The following TCOF1 variants were observed in gnomAD, a reference collection of about 807,000 sequenced individuals.
TCOF1 encodes treacle protein.
In TCOF1, 33 loss-of-function variants were observed where a neutral mutation model predicts 149.0. That is an observed-to-expected ratio of 0.22 (90% CI 0.17 to 0.30). The LOEUF is 0.30. Ranked by LOEUF, TCOF1 falls within the 10% of genes least tolerant of loss-of-function variation. The pLI is 1.00. For missense variants in TCOF1, 1,728 were observed against 1,840.7 expected, an observed-to-expected ratio of 0.94 and a Z score of 1.12; for synonymous variants, 789 against 738.8, an observed-to-expected ratio of 1.07 and a Z score of -1.10.
chr5:150,379,234 G>A lies in TCOF1; in HGVS notation c.2484G>A (p.Lys828=), dbSNP rs778497567. 1 of 1,614,202 alleles carries A rather than the reference G, an allele frequency of 6.2e-7. No homozygotes were observed. The highest frequency in any genetic ancestry group is 1.1e-5 in the South Asian group (1 of 91,078). ...QAKQRSPSKV[K]PPVRNPQNST... is the part of the protein sequence containing the mutation. ...ATTATCCCCCTGCAATTCAGGTGAA[G>A]CCACCAGTGAGAAACCCCCAGAACA... The change falls in exon 16 of 27, where the codon AAG becomes AAA. Residue 828 remains lysine, a synonymous_variant. Coordinates refer to ENST00000643257, the MANE Select transcript of TCOF1 (RefSeq NM_001371623.1).
chr5:150,379,357 G>C lies in TCOF1; in HGVS notation c.2607G>C (p.Gly869=), dbSNP rs1277169576. Residue 869 remains glycine (G), a synonymous_variant, in exon 16 of 27, where the codon GGG becomes GGC. Coordinates refer to ENST00000643257, the MANE Select transcript of TCOF1 (RefSeq NM_001371623.1). ...QAQTGPEEDS[G]SSEEESDSEE... ...AGACAGGGCCAGAGGAGGACTCAGG[G>C]AGCAGTGAGGAGGAGTCAGACAGTG... 1 of 1,614,090 alleles carries C rather than the reference G, an allele frequency of 6.2e-7. No individual in the cohort carries two copies. The highest frequency in any genetic ancestry group is 8.5e-7 in the Non-Finnish European group (1 of 1,180,038).
At chr5:150,393,140 T>A in intron 22 of TCOF1, 1 of 604,348 alleles carries the variant, frequency 1.7e-6, no homozygotes, top group Non-Finnish European at 2.9e-6. Flanking sequence ...TAATAAGAAA[T>A]TTCCTTTTTA....
chr5:150,376,639 A>G lies in TCOF1; in HGVS notation c.2340+19A>G, dbSNP rs1424861922. On this transcript the variant is annotated intron_variant, in intron 14 of 26. Coordinates refer to ENST00000643257, the MANE Select transcript of TCOF1 (RefSeq NM_001371623.1). The stretch of plus-strand genomic sequence containing the variant: ...AGCACAGGTGAGGCCTAGAAGGAGC[A>G]GGCCCATCCCACCCACACCTGTTCC... The G allele has an allele frequency of 1.5e-5, 24 of 1,552,624 alleles. No individual in the cohort carries two copies. Among genetic ancestry groups the G allele is most frequent in the Non-Finnish European group, 1.9e-5 (22 of 1,148,616 alleles).
chr5:150,374,073 AG>A, intron 7 of TCOF1, 100 bp from the exon 8 acceptor site: 1 of 1,267,428 alleles, frequency 7.9e-7, no homozygotes, highest in Non-Finnish European at 1.1e-6. Flanking sequence ...GAAGCAGGGG[AG>A]GTCTTAGGAG....
chr5:150,393,521 A>G lies in TCOF1; in HGVS notation c.3753A>G (p.Gln1251=), dbSNP rs904352661. The G allele has an allele frequency of 9.9e-6, 16 of 1,614,064 alleles. No individual in the cohort carries two copies. The highest frequency in any genetic ancestry group is 1.7e-5 in the Admixed American group (1 of 60,002). ...ATGGCAAGCAGGAGGCAAAGCCCCA[A>G]CAGGCAGCAGGCATGTTGTCCCCTA... ...DPDGKQEAKP[Q]QAAGMLSPKT... The change falls in exon 23 of 27, where the codon CAA becomes CAG. Residue 1251 remains glutamine (Q), a synonymous_variant. Coordinates refer to ENST00000643257, the MANE Select transcript of TCOF1 (RefSeq NM_001371623.1).
In TCOF1 at chr5:150,392,177, G is replaced by T. The variant is rs745614826; in HGVS notation, c.3517+1G>T. Reference sequence around the variant, plus strand: ...GGGGCCAAGTCAGCCCACACGCTGGGTGAGGGTGCCAGGGGAAAGGCAAGG... The same window carrying T: ...GGGGCCAAGTCAGCCCACACGCTGGTTGAGGGTGCCAGGGGAAAGGCAAGG... On this transcript the variant is annotated splice_donor_variant, in intron 21 of 26. Coordinates refer to ENST00000643257, the MANE Select transcript of TCOF1 (RefSeq NM_001371623.1). LOFTEE classifies it high-confidence loss of function. 1.2e-6 allele frequency: 2 copies of T among 1,613,382 alleles called. No homozygotes were observed. Among genetic ancestry groups the T allele is most frequent in the Non-Finnish European group, 1.7e-6 (2 of 1,179,486 alleles).
chr5:150,377,892 G>A (rs762752239), intron 14 of TCOF1, among the ~76,000 whole-genome samples: 1 of 152,188 alleles, frequency 6.6e-6, no homozygotes, highest in Admixed American at 6.5e-5. Context: ...GGATTACCCA[G>A]GTTTCTTTTT....
At chr5:150,378,556 G>A in intron 14 of TCOF1, 1 of 310,302 alleles carries the variant, frequency 3.2e-6, no homozygotes, top group Non-Finnish European at 6.1e-6. Flanking sequence ...CCACCTAGCT[G>A]AAAGGGAGCC....
rs144770182 is a variant in TCOF1, at chr5:150,361,417, G to A, written c.164+206G>A. On this transcript the variant is annotated intron_variant, in intron 2 of 26. Transcript: ENST00000643257. ...AGTGGGAGGGGACATTGAGAGCTGT[G>A]ATCTCTTAAGAACAAGAGCTTCTCA... Among the ~76,000 whole-genome samples the A allele has an allele frequency of 2.9e-3, 435 of 152,292 alleles. 2 individuals carry two copies. The highest frequency in any genetic ancestry group is 0.01 in the African/African-American group (421 of 41,538).
intron 6 of TCOF1, among the ~76,000 whole-genome samples, chr5:150,370,535 T>C (rs1762290106): frequency 6.6e-6 from 1 of 152,134 alleles, no homozygotes; most frequent in Non-Finnish European, 1.5e-5. Flanking sequence ...TTTGTATTTT[T>C]TGTGGAGACA....
intron 2 of TCOF1, among the ~76,000 whole-genome samples, chr5:150,362,429 C>A (rs115634019): frequency 0.02 from 2,979 of 152,152 alleles, 104 homozygotes; most frequent in African/African-American, 0.068. Flanking sequence ...GGAAAGGAGG[C>A]AGGAGAGGGG....
intron 3 of TCOF1, among the ~76,000 whole-genome samples, chr5:150,366,129 A>C (rs1266519577): frequency 2.6e-5 from 4 of 151,528 alleles, no homozygotes; most frequent in Non-Finnish European, 5.9e-5. Context: ...AAAAAAAAAA[A>C]AAAAGGAAGA....
At position 150,379,420 on chromosome 5, in the gene TCOF1, G is replaced by A; in HGVS notation, c.2658+12G>A. 6.2e-7 allele frequency: 1 copy of A among 1,613,788 alleles called. No individual in the cohort carries two copies. Among genetic ancestry groups the A allele is most frequent in the East Asian group, 2.2e-5 (1 of 44,846 alleles). ...AGACGCTGGCTCAGGTGAGGGGGAG[G>A]GAATGGAGATCATCCCCTACATGGG... On this transcript the variant is annotated intron_variant, in intron 16 of 26. Coordinates refer to ENST00000643257, the MANE Select transcript of TCOF1 (RefSeq NM_001371623.1).
rs115488540 is a variant in TCOF1, at chr5:150,390,091, A to G, written c.3183+68A>G. On this transcript the variant is annotated intron_variant, in intron 19 of 26. Coordinates refer to ENST00000643257, the MANE Select transcript of TCOF1 (RefSeq NM_001371623.1). ...GGGCCCTACTTCCATACTTACCCAC[A>G]TGTGCTGATGGGATGGCCTGCAATT... 5,916 of 1,548,794 alleles carry G rather than the reference A, an allele frequency of 3.8e-3. 194 individuals carry two copies. The African/African-American group carries it at 0.071, about 19-fold the overall frequency.
At chr5:150,369,041 C>T (rs1761967837) in intron 5 of TCOF1, 139 bp downstream of exon 5, 1 of 1,129,776 alleles carries the variant, frequency 8.9e-7, no homozygotes, top group East Asian at 2.5e-5. Context: ...CATCTTAGGA[C>T]TTTTCTCATC....
intron 6 of TCOF1, 46 bp downstream of exon 6, chr5:150,369,648 C>T: frequency 6.2e-7 from 1 of 1,604,920 alleles, no homozygotes; most frequent in Non-Finnish European, 8.5e-7. Flanking sequence ...CAGCCTCTAA[C>T]CCTTCCAGGA....
At chr5:150,381,712 TAA>T (rs1304473133) in intron 17 of TCOF1, among the ~76,000 whole-genome samples, 4 of 152,250 alleles carry the variant, frequency 2.6e-5, no homozygotes, top group African/African-American at 9.6e-5. Context: ...CAGAATGGCC[TAA>T]TCTGTAGGAG....
intron 17 of TCOF1, among the ~76,000 whole-genome samples, chr5:150,381,259 C>T (rs1303359909): frequency 6.6e-6 from 1 of 152,194 alleles, no homozygotes; most frequent in Non-Finnish European, 1.5e-5. Context: ...AAAACAAGCA[C>T]TGAGATGAAT....
chr5:150,396,932 C>T, intron 24 of TCOF1, 90 bp downstream of exon 24: 1 of 1,440,104 alleles, frequency 6.9e-7, no homozygotes, highest in Non-Finnish European at 9.5e-7. Flanking sequence ...TGGTCTCATT[C>T]CTCCCATGTA....
Sources: allele counts gnomAD v4.1 joint callset (sites outside exome capture counted in the v4.1 genomes callset), GRCh38; gene constraint gnomAD v4.1.1; transcripts MANE v1.5; gene names NCBI Gene and HGNC (gene_info 2026-07-23, HGNC 2026-07-21).